SDK1: variants seen among roughly 807,000 people sequenced by gnomAD.
SDK1 encodes sidekick cell adhesion molecule 1.
Under a neutral mutation model 245.5 loss-of-function variants are expected in SDK1, and 157 were observed. The ratio of observed to expected loss-of-function variants is 0.64; its 90% CI spans 0.56 to 0.73. The LOEUF (loss-of-function observed/expected upper bound fraction) is 0.73. SDK1 is among the 30% of genes least tolerant of loss of function. The pLI is 0.00. For synonymous variants in SDK1, 1,647 were observed against 1,278.5 expected, an observed-to-expected ratio of 1.29 and a Z score of -6.15; for missense variants, 3,583 against 3,002.3, an observed-to-expected ratio of 1.19 and a Z score of -4.52.
chr7:3,440,828 G>A (rs542086372), intron 1 of SDK1, among the ~76,000 whole-genome samples: 1 of 152,168 alleles, frequency 6.6e-6, no homozygotes, highest in Non-Finnish European at 1.5e-5. Flanking sequence ...TGTATTAAGT[G>A]CTTAGTTAAG....
intron 22 of SDK1, among the ~76,000 whole-genome samples, chr7:4,083,538 C>G (rs1255745038): frequency 1.0e-5 from 1 of 98,054 alleles, no homozygotes; most frequent in Non-Finnish European, 2.0e-5. Context: ...CCCTCCCTCC[C>G]TCCCTCCCTC....
intron 4 of SDK1, among the ~76,000 whole-genome samples, chr7:3,818,544 C>T (rs1241689446): frequency 1.3e-5 from 2 of 152,188 alleles, no homozygotes; most frequent in Non-Finnish European, 2.9e-5. Flanking sequence ...ATACATAGGA[C>T]TTATTTGCAG....
At chr7:4,213,757 G>A (rs1784632077) in intron 38 of SDK1, among the ~76,000 whole-genome samples, 1 of 152,120 alleles carries the variant, frequency 6.6e-6, no homozygotes, top group Non-Finnish European at 1.5e-5. Flanking sequence ...CAGTCTCCCA[G>A]ACACAAGACC....
chr7:3,809,357 C>CT (rs889504761), intron 4 of SDK1, among the ~76,000 whole-genome samples: 6 of 152,278 alleles, frequency 3.9e-5, no homozygotes, highest in South Asian at 4.1e-4. Context: ...CAGGCCCCAC[C>CT]TCCCATACTA....
intron 40 of SDK1, among the ~76,000 whole-genome samples, chr7:4,232,042 C>CTTTT (rs58243380): frequency 1.5e-5 from 2 of 131,834 alleles, no homozygotes; most frequent in Non-Finnish European, 1.6e-5. Flanking sequence ...TCTGAGCCTA[C>CTTTT]TTTTTTTTTT....
intron 5 of SDK1, among the ~76,000 whole-genome samples, chr7:3,873,189 C>G (rs1453424491): frequency 6.8e-6 from 1 of 147,922 alleles, no homozygotes; most frequent in African/African-American, 2.7e-5. Context: ...TTCTCCTTCA[C>G]TTTTAGAGGA....
intron 4 of SDK1, among the ~76,000 whole-genome samples, chr7:3,646,183 G>C (rs1194911590): frequency 6.6e-6 from 1 of 152,112 alleles, no homozygotes; most frequent in African/African-American, 2.4e-5. Flanking sequence ...TAACCTCCTT[G>C]TGTGAGTTTG....
intron 4 of SDK1, among the ~76,000 whole-genome samples, chr7:3,704,303 A>G (rs1432987977): frequency 6.8e-6 from 1 of 147,562 alleles, no homozygotes; most frequent in Non-Finnish European, 1.5e-5. Flanking sequence ...TTGATGCCAC[A>G]TTTTCTTTAT....
intron 35 of SDK1, among the ~76,000 whole-genome samples, chr7:4,183,051 G>T (rs1171882890): frequency 6.6e-6 from 1 of 152,182 alleles, no homozygotes; most frequent in Middle Eastern, 3.2e-3. Context: ...GGGCGTGGGG[G>T]CTAGGGAGTG....
At chr7:4,119,079 TTAA>T (rs1260668914) in intron 25 of SDK1, among the ~76,000 whole-genome samples, 4 of 148,520 alleles carry the variant, frequency 2.7e-5, no homozygotes, top group Non-Finnish European at 4.5e-5. Context: ...GTATGATATA[TTAA>T]TAATCTCACA....
intron 4 of SDK1, among the ~76,000 whole-genome samples, chr7:3,674,792 A>G (rs935890030): frequency 1.3e-4 from 20 of 152,140 alleles, no homozygotes; most frequent in Admixed American, 5.2e-4. Flanking sequence ...TCTTTCTATA[A>G]GGAGTTGGAC....
chr7:3,795,833 A>C (rs1778948472), intron 4 of SDK1, among the ~76,000 whole-genome samples: 1 of 152,188 alleles, frequency 6.6e-6, no homozygotes, highest in Non-Finnish European at 1.5e-5. Context: ...TCAAGTAGTA[A>C]AAATCTGTGA....
At chr7:3,544,332 G>A (rs912589216) in intron 1 of SDK1, among the ~76,000 whole-genome samples, 1 of 152,238 alleles carries the variant, frequency 6.6e-6, no homozygotes, top group Non-Finnish European at 1.5e-5. Context: ...CAGAGAAAGT[G>A]GTGTGGGAAA....
intron 4 of SDK1, among the ~76,000 whole-genome samples, chr7:3,664,371 A>T (rs1299159051): frequency 6.6e-6 from 1 of 152,150 alleles, no homozygotes; most frequent in African/African-American, 2.4e-5. Context: ...AAGAAACTCG[A>T]ATCTGTGTAC....
At chr7:3,531,022 G>A (rs747366567) in intron 1 of SDK1, among the ~76,000 whole-genome samples, 2 of 152,146 alleles carry the variant, frequency 1.3e-5, no homozygotes, top group Non-Finnish European at 2.9e-5. Context: ...TAAGCTATTA[G>A]AATATTCTGT....
chr7:3,724,565 C>G (rs1302071758), intron 4 of SDK1, among the ~76,000 whole-genome samples: 5 of 152,154 alleles, frequency 3.3e-5, no homozygotes, highest in Non-Finnish European at 5.9e-5. Context: ...TAATATTGAA[C>G]TGTACTAGGT....
At chr7:3,514,499 C>T (rs949057280) in intron 1 of SDK1, among the ~76,000 whole-genome samples, 18 of 152,094 alleles carry the variant, frequency 1.2e-4, no homozygotes, top group African/African-American at 2.9e-4. Flanking sequence ...GTTGGTTTGG[C>T]GGTCCCACAG....
At chr7:3,759,584 CATTATTATTATT>C (rs4039584) in intron 4 of SDK1, among the ~76,000 whole-genome samples, 1 of 145,890 alleles carries the variant, frequency 6.9e-6, no homozygotes, top group East Asian at 2.0e-4. Flanking sequence ...AAATTTTTTT[CATTATTATTATT>C]ATTATTATTA....
In SDK1 at chr7:4,033,321, G is replaced by A. The variant is rs566576478; in HGVS notation, c.2602+15969G>A. The stretch of plus-strand genomic sequence containing the variant: ...TACAAGGATACATTCCAAGTGGATC[G>A]GAGATATCAATATTAAAAATATGAA... On this transcript the variant is annotated intron_variant, in intron 17 of 44. Transcript: ENST00000404826. 4.7e-4 allele frequency among the ~76,000 whole-genome samples: 71 copies of A among 152,188 alleles called. 1 individual carries two copies. Among genetic ancestry groups the A allele is most frequent in the African/African-American group, 1.4e-3 (60 of 41,518 alleles).
Sources: allele counts gnomAD v4.1 joint callset (sites outside exome capture counted in the v4.1 genomes callset), GRCh38; gene constraint gnomAD v4.1.1; transcripts MANE v1.5; gene names NCBI Gene and HGNC (gene_info 2026-07-23, HGNC 2026-07-21).